Variants in TMEM131L observed in about 807,000 individuals in gnomAD.
The protein encoded by TMEM131L is transmembrane 131 like, also known as transmembrane protein 131-like.
In TMEM131L, 54 loss-of-function variants were observed where a neutral mutation model predicts 192.2. The ratio of observed to expected loss-of-function variants is 0.28; its 90% CI spans 0.23 to 0.35. The LOEUF (loss-of-function observed/expected upper bound fraction) is 0.35, where lower values mean the gene tolerates loss of function less well. Ranked by LOEUF, TMEM131L falls within the 10% of genes least tolerant of loss-of-function variation. The pLI, the probability that TMEM131L is intolerant of heterozygous loss-of-function variation, is 1.00. For synonymous variants in TMEM131L, 701 were observed against 704.9 expected (o/e 0.99, Z 0.09); for missense variants, 1,888 against 1,972.9 (o/e 0.96, Z 0.82).
intron 3 of TMEM131L, among the ~76,000 whole-genome samples, chr4:153,514,772 C>T (rs998209498): frequency 6.6e-6 from 1 of 152,092 alleles, no homozygotes; most frequent in African/African-American, 2.4e-5. Context: ...AGAATTTACA[C>T]TTCATAGAAT....
intron 3 of TMEM131L, among the ~76,000 whole-genome samples, chr4:153,508,124 G>A (rs1056689780): frequency 6.6e-6 from 1 of 152,146 alleles, no homozygotes; most frequent in Admixed American, 6.5e-5. Flanking sequence ...CTAAGGAACT[G>A]AATCAGGGAA....
chr4:153,479,130 C>T (rs143552283), intron 3 of TMEM131L, among the ~76,000 whole-genome samples: 5 of 152,306 alleles, frequency 3.3e-5, no homozygotes, highest in East Asian at 3.9e-4. Context: ...GGGGCTGGAA[C>T]GGGACCAGTG....
At chr4:153,579,515 T>A (rs1730190188) in intron 7 of TMEM131L, among the ~76,000 whole-genome samples, 1 of 152,186 alleles carries the variant, frequency 6.6e-6, no homozygotes, top group Non-Finnish European at 1.5e-5. Context: ...TTATTCTTTT[T>A]CTTAAAAAAA....
chr4:153,632,689 G>T, intron 31 of TMEM131L, 29 bp from the exon 32 acceptor site: 1 of 1,613,718 alleles, frequency 6.2e-7, no homozygotes, highest in Non-Finnish European at 8.5e-7. Flanking sequence ...TGAGGATAGG[G>T]TGGACTCAGG....
intron 21 of TMEM131L, 36 bp from the exon 22 acceptor site, chr4:153,602,116 C>T (rs1395546333): frequency 8.4e-7 from 1 of 1,195,888 alleles, no homozygotes; most frequent in Middle Eastern, 2.1e-4. Context: ...TTTTATAGTT[C>T]ACATATACTA....
At chr4:153,566,620 GA>G (rs1312890488) in intron 7 of TMEM131L, among the ~76,000 whole-genome samples, 3 of 152,046 alleles carry the variant, frequency 2.0e-5, no homozygotes, top group Non-Finnish European at 2.9e-5. Flanking sequence ...GGGATTATCA[GA>G]AGGTATAATG....
At chr4:153,519,204 C>T (rs1386454950) in intron 3 of TMEM131L, among the ~76,000 whole-genome samples, 3 of 152,060 alleles carry the variant, frequency 2.0e-5, no homozygotes, top group Non-Finnish European at 4.4e-5. Flanking sequence ...CTGTTCTTTA[C>T]TTAGAGATTT....
intron 3 of TMEM131L, among the ~76,000 whole-genome samples, chr4:153,486,812 C>G (rs1732369831): frequency 6.6e-6 from 1 of 152,250 alleles, no homozygotes; most frequent in South Asian, 2.1e-4. Context: ...GTGATCAGCT[C>G]TGTCCTGCAG....
intron 29 of TMEM131L, among the ~76,000 whole-genome samples, chr4:153,624,104 G>GT (rs11407959): frequency 0.32 from 44,384 of 140,088 alleles, 8,080 homozygotes; most frequent in Non-Finnish European, 0.44. Context: ...TTTTCACTCA[G>GT]TTTTTTTTTT....
intron 30 of TMEM131L, 62 bp downstream of exon 30, chr4:153,626,287 T>C (rs2126817363): frequency 9.5e-7 from 1 of 1,053,336 alleles, no homozygotes; most frequent in Non-Finnish European, 1.5e-6. Flanking sequence ...CTACCAATTA[T>C]TGTGTTTCTT....
intron 7 of TMEM131L, among the ~76,000 whole-genome samples, chr4:153,566,518 AGT>A (rs35949558): frequency 0.066 from 9,644 of 145,684 alleles, 730 homozygotes; most frequent in African/African-American, 0.19. Flanking sequence ...TGTGAGTGTG[AGT>A]GTGTGTGTGT....
chr4:153,627,556 C>T (rs748451178), intron 30 of TMEM131L, 49 bp from the exon 31 acceptor site: 2 of 1,415,774 alleles, frequency 1.4e-6, no homozygotes, highest in Admixed American at 1.7e-5. Context: ...ATCAGTATTT[C>T]CTCGTGCAGA....
intron 3 of TMEM131L, among the ~76,000 whole-genome samples, chr4:153,492,916 G>C (rs564205469): frequency 6.6e-6 from 1 of 152,314 alleles, no homozygotes; most frequent in African/African-American, 2.4e-5. Context: ...ACTTGATAAG[G>C]AGTAGGGGAA....
intron 3 of TMEM131L, among the ~76,000 whole-genome samples, chr4:153,507,770 C>T (rs1003241674): frequency 1.3e-5 from 2 of 151,966 alleles, no homozygotes; most frequent in African/African-American, 2.4e-5. Context: ...TGGGTGATTT[C>T]AGAGGCAGCT....
At chr4:153,617,994 T>A (rs1733114025) in intron 26 of TMEM131L, among the ~76,000 whole-genome samples, 1 of 152,188 alleles carries the variant, frequency 6.6e-6, no homozygotes, top group Admixed American at 6.5e-5. Flanking sequence ...TATCAAATAT[T>A]GTGTATCAGA....
chr4:153,551,497 A>G lies in TMEM131L; in HGVS notation c.308+1356A>G, dbSNP rs114010708. Among the ~76,000 whole-genome samples, 742 of 152,104 alleles carry G rather than the reference A, an allele frequency of 4.9e-3. 8 individuals carry two copies. The highest frequency in any genetic ancestry group is 0.017 in the African/African-American group (704 of 41,484). On this transcript the variant is annotated intron_variant, in intron 4 of 34. Transcript: ENST00000409959. ...CTCAGCCTCCTGAATAGGTGGGACT[A>G]TGGGTGCCCGCCACCACGCCTGTAA... is the stretch of plus-strand genomic sequence containing the variant.
intron 3 of TMEM131L, among the ~76,000 whole-genome samples, chr4:153,534,329 A>G (rs756513028): frequency 1.4e-4 from 21 of 152,248 alleles, no homozygotes; most frequent in Non-Finnish European, 2.1e-4. Flanking sequence ...GTCAAGGGAA[A>G]AGAGGATGAG....
chr4:153,556,289 C>G (rs1256944386), intron 5 of TMEM131L, among the ~76,000 whole-genome samples: 1 of 152,174 alleles, frequency 6.6e-6, no homozygotes, highest in African/African-American at 2.4e-5. Flanking sequence ...GAGACCTCTT[C>G]CATCTCTCAA....
chr4:153,572,749 A>G (rs1014173715), intron 7 of TMEM131L, among the ~76,000 whole-genome samples: 1 of 152,216 alleles, frequency 6.6e-6, no homozygotes, highest in African/African-American at 2.4e-5. Context: ...TTGTATGCGT[A>G]CAGTTCACTG....
Sources: allele counts gnomAD v4.1 joint callset (sites outside exome capture counted in the v4.1 genomes callset), GRCh38; gene constraint gnomAD v4.1.1; transcripts MANE v1.5; gene names NCBI Gene and HGNC (gene_info 2026-07-23, HGNC 2026-07-21).